Variants in NOS1AP observed in about 807,000 individuals in gnomAD.
NOS1AP encodes carboxyl-terminal PDZ ligand of neuronal nitric oxide synthase protein.
In NOS1AP, 21 loss-of-function variants were observed where a neutral mutation model predicts 56.2. The observed-to-expected ratio is 0.37, with a 90% CI of 0.26 to 0.54. The LOEUF (loss-of-function observed/expected upper bound fraction) is 0.54, where lower values mean the gene tolerates loss of function less well. Ranked by LOEUF, NOS1AP falls within the 20% of genes least tolerant of loss-of-function variation. NOS1AP has a pLI of 0.84. For missense variants in NOS1AP, 522 were observed against 657.8 expected (o/e 0.79, Z 2.26); for synonymous variants, 270 against 274.6 (o/e 0.98, Z 0.17).
chr1:162,357,368 G>GGGCTTGGCT (rs1657739475), intron 8 of NOS1AP, among the ~76,000 whole-genome samples: 3 of 152,192 alleles, frequency 2.0e-5, no homozygotes, highest in Non-Finnish European at 2.9e-5. Context: ...GCTCTGAGCT[G>GGGCTTGGCT]GGCTTGGCTG....
At chr1:162,353,424 C>G (rs1233523688) in intron 6 of NOS1AP, among the ~76,000 whole-genome samples, 2 of 152,164 alleles carry the variant, frequency 1.3e-5, no homozygotes, top group African/African-American at 4.8e-5. Flanking sequence ...TGGCGAGGCC[C>G]TGTCCAAACC....
rs1025975719 is a variant in NOS1AP, at chr1:162,199,839, G to C, written c.177+45363G>C. ...GTGGACTGGCTTAATTGTTTGATTT[G>C]CCGACTTAAAATTAGAAACTGGGAA... On this transcript the variant is annotated intron_variant, in intron 2 of 9. Transcript: ENST00000361897. Among the ~76,000 whole-genome samples, 5 of 152,272 alleles carry C rather than the reference G, an allele frequency of 3.3e-5. No individual in the cohort carries two copies. In the East Asian group the frequency reaches 9.6e-4, roughly 29 times the overall value.
At chr1:162,295,517 T>A (rs1351614676) in intron 3 of NOS1AP, among the ~76,000 whole-genome samples, 1 of 143,306 alleles carries the variant, frequency 7.0e-6, no homozygotes, top group East Asian at 2.0e-4. Context: ...CATTTCAAAT[T>A]TTTTTTTTCT....
At chr1:162,153,423 C>T (rs925882121) in intron 1 of NOS1AP, among the ~76,000 whole-genome samples, 2 of 151,600 alleles carry the variant, frequency 1.3e-5, no homozygotes, top group African/African-American at 2.4e-5. Flanking sequence ...GCCACAGTGC[C>T]CAGCCAAGAT....
At chr1:162,293,408 C>A (rs901882162) in intron 3 of NOS1AP, among the ~76,000 whole-genome samples, 5 of 152,296 alleles carry the variant, frequency 3.3e-5, no homozygotes, top group East Asian at 1.9e-4. Flanking sequence ...ATGCCATATC[C>A]ATTTCCACAT....
intron 3 of NOS1AP, among the ~76,000 whole-genome samples, chr1:162,297,999 G>T (rs916289105): frequency 9.2e-5 from 14 of 152,168 alleles, no homozygotes; most frequent in African/African-American, 3.4e-4. Flanking sequence ...AGGCATAAAA[G>T]CCCCAACAAA....
rs143613717 is a variant in NOS1AP, at chr1:162,264,594, C to A, written c.178-22750C>A. 2.4e-3 allele frequency among the ~76,000 whole-genome samples: 366 copies of A among 151,042 alleles called. 1 individual carries two copies. The highest frequency in any genetic ancestry group is 8.4e-3 in the African/African-American group (343 of 40,998). ...TGATCTTGGCTCACTGCAACCTCCA[C>A]CTCCTATGTTCAAGTGATTCTCGTG... On this transcript the variant is annotated intron_variant, in intron 2 of 9. Transcript: ENST00000361897.
chr1:162,182,548 G>A (rs927266147), intron 2 of NOS1AP, among the ~76,000 whole-genome samples: 6 of 152,196 alleles, frequency 3.9e-5, no homozygotes, highest in African/African-American at 1.4e-4. Flanking sequence ...TCTCTGTAGC[G>A]TGTGACACTA....
chr1:162,291,690 A>T (rs1484700328), intron 3 of NOS1AP, among the ~76,000 whole-genome samples: 1 of 152,232 alleles, frequency 6.6e-6, no homozygotes, highest in East Asian at 1.9e-4. Context: ...ACAAATATCT[A>T]AAAATGCTGT....
At chr1:162,284,727 C>T (rs1655040012) in intron 2 of NOS1AP, among the ~76,000 whole-genome samples, 1 of 152,148 alleles carries the variant, frequency 6.6e-6, no homozygotes, top group African/African-American at 2.4e-5. Context: ...AAAGGCATGG[C>T]CAAGCCTGCC....
At chr1:162,245,005 CTCTTT>C (rs1653614589) in intron 2 of NOS1AP, among the ~76,000 whole-genome samples, 1 of 152,064 alleles carries the variant, frequency 6.6e-6, no homozygotes, top group Non-Finnish European at 1.5e-5. Context: ...TAGCTGCCTC[CTCTTT>C]TATTTAAATG....
intron 2 of NOS1AP, among the ~76,000 whole-genome samples, chr1:162,226,967 G>A (rs1250355824): frequency 6.6e-6 from 1 of 151,900 alleles, no homozygotes; most frequent in Non-Finnish European, 1.5e-5. Flanking sequence ...AGGGGGACAG[G>A]GAAGAATATA....
chr1:162,193,996 G>A (rs539075614), intron 2 of NOS1AP, among the ~76,000 whole-genome samples: 12 of 152,244 alleles, frequency 7.9e-5, no homozygotes, highest in Admixed American at 1.3e-4. Flanking sequence ...GAGGCCTCCC[G>A]TCTCACAGGC....
At chr1:162,311,169 G>C (rs940620274) in intron 4 of NOS1AP, among the ~76,000 whole-genome samples, 1 of 151,904 alleles carries the variant, frequency 6.6e-6, no homozygotes, top group Non-Finnish European at 1.5e-5. Flanking sequence ...CACAGAAATG[G>C]CTCCCTCCAC....
intron 4 of NOS1AP, 36 bp downstream of exon 4, chr1:162,300,742 G>C: frequency 1.3e-6 from 2 of 1,590,410 alleles, no homozygotes; most frequent in Non-Finnish European, 1.7e-6. Flanking sequence ...ATATCACTGA[G>C]CCCCAGAGTC....
At chr1:162,345,335 T>G (rs1368598216) in intron 6 of NOS1AP, among the ~76,000 whole-genome samples, 1 of 120,166 alleles carries the variant, frequency 8.3e-6, no homozygotes, top group Non-Finnish European at 1.6e-5. Flanking sequence ...GTCCCCAGAG[T>G]GTGATGTTCC....
chr1:162,235,215 AAGG>A (rs1653250176), intron 2 of NOS1AP, among the ~76,000 whole-genome samples: 1 of 152,090 alleles, frequency 6.6e-6, no homozygotes, highest in Non-Finnish European at 1.5e-5. Flanking sequence ...TCCCCCATAG[AAGG>A]GTTCACTCAG....
At chr1:162,356,477 C>T (rs1448260560) in intron 7 of NOS1AP, among the ~76,000 whole-genome samples, 4 of 152,160 alleles carry the variant, frequency 2.6e-5, no homozygotes, top group Non-Finnish European at 5.9e-5. Flanking sequence ...GGACCCAGCT[C>T]CACGCTTCTC....
chr1:162,258,472 C>T (rs545591107), intron 2 of NOS1AP, among the ~76,000 whole-genome samples: 17 of 152,206 alleles, frequency 1.1e-4, no homozygotes, highest in African/African-American at 4.1e-4. Context: ...CCATGGAATC[C>T]ACCACTACTT....
Sources: gnomAD v4.1 joint callset for allele counts (sites outside exome capture counted in the v4.1 genomes callset) on GRCh38, gnomAD v4.1.1 for gene constraint, MANE v1.5 for transcripts, NCBI Gene and HGNC (gene_info 2026-07-23, HGNC 2026-07-21) for gene names.